CMTM2: variants seen among roughly 807,000 people sequenced by gnomAD.
The protein encoded by CMTM2 is CKLF-like MARVEL transmembrane domain-containing protein 2.
A neutral mutation model predicts 16.8 loss-of-function variants in CMTM2; 15 were observed. The observed-to-expected ratio is 0.89, with a 90% confidence interval of 0.60 to 1.37. The LOEUF is 1.37. Among genes scored for constraint, CMTM2 ranks in the 40% most tolerant of loss-of-function variants. CMTM2 has a pLI of 0.00. For synonymous variants in CMTM2, 117 were observed against 118.7 expected, an observed-to-expected ratio of 0.99 and a Z score of 0.09; for missense variants, 282 against 318.0, an observed-to-expected ratio of 0.89 and a Z score of 0.86.
At chr16:66,586,531 C>CAGCT (rs1222846610) in intron 2 of CMTM2, among the ~76,000 whole-genome samples, 1 of 152,068 alleles carries the variant, frequency 6.6e-6, no homozygotes, top group African/African-American at 2.4e-5. Flanking sequence ...CCTGTAGTCG[C>CAGCT]AGCTGCTCAG....
Position 66,588,049 on chromosome 16 carries a change from GCAAGGGACCAGAACCCGCCAAGC to G in CMTM2, c.680_702del (p.Lys227ThrfsTer61), listed in dbSNP as rs1232829267. On this transcript the variant is annotated frameshift_variant, in exon 4 of 4. Transcript: ENST00000268595. LOFTEE classifies it low-confidence loss of function (END_TRUNC). Reference sequence around the variant, plus strand: ...GGAAAGGAAAAAGGACCCCAGCAGGGCAAGGGACCAGAACCCGCCAAGCCACCAGAACCTGGCAAGCCACCAGG... The same window carrying G: ...GGAAAGGAAAAAGGACCCCAGCAGGGCACCAGAACCTGGCAAGCCACCAGG... The G allele has an allele frequency of 1.2e-6, 2 of 1,613,726 alleles. No individual in the cohort carries two copies. The highest frequency in any genetic ancestry group is 1.7e-5 in the Admixed American group (1 of 60,026).
chr16:66,580,472 G>A (rs1431659623), intron 2 of CMTM2: 1 of 388,190 alleles, frequency 2.6e-6, no homozygotes, highest in Non-Finnish European at 4.7e-6. Context: ...AGGGGAAGGG[G>A]AGGTGTAGCA....
chr16:66,580,955 T>TTG lies in CMTM2; in HGVS notation c.444+773_444+774dup, dbSNP rs1376018309. ...TGAAGACCCCAATTCCCAAGTCCCTTTGTTCATTGCACATTCACAGCCTGC... is the reference window on the plus strand; with the variant it reads ...TGAAGACCCCAATTCCCAAGTCCCTTTGTGTTCATTGCACATTCACAGCCTGC... On this transcript the variant is annotated intron_variant, in intron 2 of 3. Coordinates refer to ENST00000268595, the MANE Select transcript of CMTM2 (RefSeq NM_144673.3). Among the ~76,000 whole-genome samples, 3 of 152,144 alleles carry TTG rather than the reference T, an allele frequency of 2.0e-5. No individual in the cohort carries two copies. In the East Asian group the frequency reaches 5.8e-4, roughly 29 times the overall value.
At position 66,587,043 on chromosome 16, in the gene CMTM2, T is replaced by G; in HGVS notation, c.491T>G (p.Val164Gly). Residue 164 changes from valine to glycine, a missense_variant, in exon 3 of 4, where the codon GTG becomes GGG. Val to Gly is a moderately radical substitution (Grantham distance 109, BLOSUM62 -3). Coordinates refer to ENST00000268595, the MANE Select transcript of CMTM2 (RefSeq NM_144673.3). The part of the protein sequence containing the change: ...LIACAFLVGA[V>G]VFAVRSRRSM... ...GCTTGTGCGTTCCTTGTGGGAGCCG[T>G]GGTCTTTGCTGTGAGAAGTCGGCGA... is the stretch of plus-strand genomic sequence containing the variant. The G allele has an allele frequency of 1.9e-6, 3 of 1,614,124 alleles. No individual in the cohort carries two copies. The highest frequency in any genetic ancestry group is 2.5e-6 in the Non-Finnish European group (3 of 1,180,022).
chr16:66,588,107 G>C lies in CMTM2; in HGVS notation c.735G>C (p.Lys245Asn). The C allele has an allele frequency of 6.2e-7, 1 of 1,612,752 alleles. No homozygotes were observed. Among genetic ancestry groups the C allele is most frequent in the Non-Finnish European group, 8.5e-7 (1 of 1,180,012 alleles). Residue 245 changes from lysine (K) to asparagine (N), a missense_variant, in exon 4 of 4, where the codon AAG (lysine) becomes AAC (asparagine). Physicochemically the swap from Lys to Asn is moderately conservative, Grantham distance 94. Transcript: ENST00000268595. The stretch of plus-strand genomic sequence containing the variant: ...CTGGCAAGCCACCAGGGCCAGCAAA[G>C]GGAAAGAAATGACTTGGAGGAGGCT... The part of the protein sequence containing the change: ...PEPGKPPGPA[K>N]GKK
In CMTM2 at chr16:66,579,721, T is replaced by C. The variant is rs762057808; in HGVS notation, c.114T>C (p.Pro38=). 3 of 1,612,950 alleles carry C rather than the reference T, an allele frequency of 1.9e-6. No individual in the cohort carries two copies. The highest frequency in any genetic ancestry group is 2.5e-6 in the Non-Finnish European group (3 of 1,179,572). ...ACGGTAAGGAGCCATCGGACAAACC[T>C]CAAAAGGCGGTGCAGGACCATAAGG... ...KKDGKEPSDK[P]QKAVQDHKEP... Residue 38 remains proline, a synonymous_variant, in exon 1 of 4, where the codon CCT becomes CCC. Transcript: ENST00000268595. The surrounding 1 kb of genome is among the most constrained non-coding windows in gnomAD (Gnocchi z 6.5).
intron 2 of CMTM2, chr16:66,580,515 C>T (rs1253597415): frequency 3.4e-6 from 1 of 295,686 alleles, no homozygotes; most frequent in African/African-American, 2.2e-5. Flanking sequence ...TGTGCCAGCT[C>T]ACACTTGACA....
chr16:66,587,798 A>G, intron 3 of CMTM2, 121 bp from the exon 4 acceptor site: 1 of 973,780 alleles, frequency 1.0e-6, no homozygotes, highest in Non-Finnish European at 1.6e-6. Context: ...GAGATGGTTG[A>G]CATTTGAGGG....
In CMTM2 at chr16:66,579,932, G is replaced by C. The variant is rs778900087; in HGVS notation, c.285+40G>C. 4 of 1,603,624 alleles carry C rather than the reference G, an allele frequency of 2.5e-6. No homozygotes were observed. Among genetic ancestry groups the C allele is most frequent in the Non-Finnish European group, 3.4e-6 (4 of 1,171,910 alleles). On this transcript the variant is annotated intron_variant, in intron 1 of 3. Coordinates refer to ENST00000268595, the MANE Select transcript of CMTM2 (RefSeq NM_144673.3). The surrounding 1 kb of genome is among the most constrained non-coding windows in gnomAD (Gnocchi z 6.5). ...TATCCCTGGGTGGGGGGCCTTGGCC[G>C]AGGGTGGGGGGAAGGAGGAGTAGGC... is the stretch of plus-strand genomic sequence containing the variant.
Position 66,579,701 on chromosome 16 carries a change from A to G in CMTM2, c.94A>G (p.Lys32Glu). The change falls in exon 1 of 4, where the codon AAG (lysine) becomes GAG (glutamate). Residue 32 changes from lysine to glutamate, a missense_variant. Coordinates refer to ENST00000268595, the MANE Select transcript of CMTM2 (RefSeq NM_144673.3). The surrounding 1 kb of genome is among the most constrained non-coding windows in gnomAD (Gnocchi z 6.5). ...ACCCGAGGAAGACAAGAAGGACGGT[A>G]AGGAGCCATCGGACAAACCTCAAAA... ...AKPEEDKKDGKEPSDKPQKAV... is the reference protein window; with the variant it reads ...AKPEEDKKDGEEPSDKPQKAV... 6.2e-7 allele frequency: 1 copy of G among 1,613,488 alleles called. No individual in the cohort carries two copies. Among genetic ancestry groups the G allele is most frequent in the Non-Finnish European group, 8.5e-7 (1 of 1,179,654 alleles).
In CMTM2 at chr16:66,580,204, G is replaced by T; in HGVS notation, c.444+20G>T. The T allele has an allele frequency of 6.2e-7, 1 of 1,613,558 alleles. No homozygotes were observed. Among genetic ancestry groups the T allele is most frequent in the South Asian group, 1.1e-5 (1 of 91,028 alleles). On this transcript the variant is annotated intron_variant, in intron 2 of 3. Coordinates refer to ENST00000268595, the MANE Select transcript of CMTM2 (RefSeq NM_144673.3). ...ATTTCTGTAAGTAAGGGGTGATGGGGAGTGCCTGCATCCAGAATGCTGATC... is the reference window on the plus strand; with the variant it reads ...ATTTCTGTAAGTAAGGGGTGATGGGTAGTGCCTGCATCCAGAATGCTGATC...
chr16:66,585,186 T>C (rs2014779360), intron 2 of CMTM2, among the ~76,000 whole-genome samples: 1 of 152,130 alleles, frequency 6.6e-6, no homozygotes, highest in Non-Finnish European at 1.5e-5. Flanking sequence ...CCTCAGGTGA[T>C]CCGCCCGCCT....
intron 3 of CMTM2, among the ~76,000 whole-genome samples, 177 bp from the exon 4 acceptor site, chr16:66,587,742 T>C (rs1597193205): frequency 6.6e-6 from 1 of 151,092 alleles, no homozygotes; most frequent in African/African-American, 2.4e-5. Context: ...GACGGGGGAG[T>C]GGAGAAGGCA....
chr16:66,579,493 G>T lies in CMTM2; in HGVS notation c.-115G>T, dbSNP rs2014674559. On this transcript the variant is annotated 5_prime_UTR_variant, in exon 1 of 4. Transcript: ENST00000268595. The surrounding 1 kb of genome is among the most constrained non-coding windows in gnomAD (Gnocchi z 6.5). ...GTGGTCCTGGCAGTTAGCTGAGCAC[G>T]CCCTCTGAGCCGCTCGGTGGACACC... The T allele has an allele frequency of 2.3e-6, 3 of 1,315,522 alleles. No homozygotes were observed. Among genetic ancestry groups the T allele is most frequent in the Non-Finnish European group, 3.1e-6 (3 of 959,204 alleles). The allele number at this position is 1,315,522 out of a possible 1,614,324, so 81.5% of individuals were successfully genotyped here.
In CMTM2 at chr16:66,587,109, C is replaced by G. The variant is rs1297975102; in HGVS notation, c.546+11C>G. 1.3e-6 allele frequency: 2 copies of G among 1,597,154 alleles called. No homozygotes were observed. Among genetic ancestry groups the G allele is most frequent in the African/African-American group, 2.7e-5 (2 of 74,558 alleles). ...TACTTACTTGCTGTGGTGAGTCTTT[C>G]CATGCTGGGCCTTGCATTTGCTCTG... On this transcript the variant is annotated intron_variant, in intron 3 of 3. Transcript: ENST00000268595.
chr16:66,586,953 G>A (rs770597589), intron 2 of CMTM2, 44 bp from the exon 3 acceptor site: 1 of 1,397,506 alleles, frequency 7.2e-7, no homozygotes, highest in African/African-American at 1.4e-5. Context: ...TTGTTGATGG[G>A]GACCCTGGCT....
At chr16:66,587,886 A>G (rs1471504434) in intron 3 of CMTM2, 33 bp from the exon 4 acceptor site, 5 of 1,610,356 alleles carry the variant, frequency 3.1e-6, no homozygotes, top group Non-Finnish European at 4.2e-6. Flanking sequence ...TGGAATGAAA[A>G]GCAAAAGTCA....
At chr16:66,586,179 G>A (rs2014790189) in intron 2 of CMTM2, among the ~76,000 whole-genome samples, 1 of 152,158 alleles carries the variant, frequency 6.6e-6, no homozygotes, top group African/African-American at 2.4e-5. Flanking sequence ...GCCGAGGGCA[G>A]GGGGTTGCAG....
At position 66,580,051 on chromosome 16, in the gene CMTM2, T is replaced by C. The variant is rs758546843; in HGVS notation, c.311T>C (p.Leu104Pro). The C allele has an allele frequency of 1.9e-6, 3 of 1,614,094 alleles. No individual in the cohort carries two copies. Among genetic ancestry groups the C allele is most frequent in the Non-Finnish European group, 2.5e-6 (3 of 1,180,046 alleles). The change falls in exon 2 of 4, where the codon CTG becomes CCG. Residue 104 changes from leucine to proline, a missense_variant. Transcript: ENST00000268595. ...SLGCLIAAMILLSSLTVHPIL... is the reference protein window; with the variant it reads ...SLGCLIAAMIPLSSLTVHPIL... ...GGCTGCCTAATAGCTGCAATGATAC[T>C]GTTGTCCTCACTCACCGTGCACCCC...
Sources: allele counts gnomAD v4.1 joint callset (sites outside exome capture counted in the v4.1 genomes callset), GRCh38; gene constraint gnomAD v4.1.1; non-coding constraint Gnocchi (gnomAD v3.1); transcripts MANE v1.5; gene names NCBI Gene and HGNC (gene_info 2026-07-23, HGNC 2026-07-21).